The following FOCAD variants were observed in gnomAD, a reference collection of about 807,000 sequenced individuals.
The protein encoded by FOCAD is focadhesin.
Under a neutral mutation model 225.6 loss-of-function variants are expected in FOCAD, and 198 were observed. That is an observed-to-expected ratio of 0.88 (90% confidence interval 0.78 to 0.99). The LOEUF is 0.99. Among genes scored for constraint, FOCAD ranks in the 50% least tolerant of loss-of-function variants. FOCAD has a pLI of 0.00. For missense variants in FOCAD, 2,713 were observed against 2,123.6 expected (o/e 1.28, Z -5.46); for synonymous variants, 897 against 755.0 (o/e 1.19, Z -3.08).
intron 2 of FOCAD, among the ~76,000 whole-genome samples, chr9:20,667,770 C>T (rs1381260875): frequency 1.3e-5 from 2 of 151,904 alleles, no homozygotes; most frequent in Non-Finnish European, 2.9e-5. Flanking sequence ...CCTTGGATTT[C>T]CAAAGAATTA....
chr9:20,882,980 A>G (rs1422997434), intron 20 of FOCAD, among the ~76,000 whole-genome samples: 1 of 152,168 alleles, frequency 6.6e-6, no homozygotes, highest in African/African-American at 2.4e-5. Flanking sequence ...TCAAATTACA[A>G]AAGTTATAAT....
At chr9:20,663,319 T>C (rs1821791701) in intron 2 of FOCAD, among the ~76,000 whole-genome samples, 2 of 152,112 alleles carry the variant, frequency 1.3e-5, no homozygotes, top group African/African-American at 4.8e-5. Context: ...GATCATGCAC[T>C]GCACTCCAGC....
intron 16 of FOCAD, among the ~76,000 whole-genome samples, chr9:20,865,333 G>C (rs1829132021): frequency 6.6e-6 from 1 of 152,044 alleles, no homozygotes; most frequent in Admixed American, 6.6e-5. Flanking sequence ...GAGGTATAGA[G>C]GAACCTAATA....
intron 1 of FOCAD, among the ~76,000 whole-genome samples, chr9:20,698,319 C>T (rs910596116): frequency 2.6e-5 from 4 of 151,886 alleles, no homozygotes; most frequent in African/African-American, 9.7e-5. Context: ...TTCTATATTT[C>T]TCTCTATATT....
At chr9:20,769,156 C>T (rs1157223050) in intron 7 of FOCAD, among the ~76,000 whole-genome samples, 1 of 152,012 alleles carries the variant, frequency 6.6e-6, no homozygotes, top group Admixed American at 6.6e-5. Flanking sequence ...ATGTTTTCTG[C>T]TATTTCTTCT....
At chr9:20,762,809 C>T (rs1490875688) in intron 6 of FOCAD, among the ~76,000 whole-genome samples, 3 of 131,906 alleles carry the variant, frequency 2.3e-5, no homozygotes, top group Admixed American at 7.3e-5. Flanking sequence ...AAATTTTCAG[C>T]CCTTGCCCCT....
chr9:20,675,705 T>C (rs1196249897), intron 2 of FOCAD, among the ~76,000 whole-genome samples: 1 of 152,220 alleles, frequency 6.6e-6, no homozygotes. Context: ...TCACAGCAGC[T>C]GAAAAAATTT....
Position 20,889,201 on chromosome 9 carries a change from G to A in FOCAD, c.2625+3971G>A, listed in dbSNP as rs565294856. ...TGCCTCTGTAGATTTGCCTATTCTG[G>A]ACATTTCATATAAATACCATCATAC... On this transcript the variant is annotated intron_variant, in intron 21 of 43. Coordinates refer to ENST00000338382, the MANE Select transcript of FOCAD (RefSeq NM_001375567.1). Among the ~76,000 whole-genome samples the A allele has an allele frequency of 3.9e-5, 6 of 152,238 alleles. No homozygotes were observed. The South Asian group carries it at 6.2e-4, about 16-fold the overall frequency.
intron 4 of FOCAD, among the ~76,000 whole-genome samples, chr9:20,736,098 C>T (rs1457205195): frequency 6.6e-6 from 1 of 152,158 alleles, no homozygotes; most frequent in Non-Finnish European, 1.5e-5. Flanking sequence ...TATAACTCCA[C>T]ATGCATTGCT....
chr9:20,733,126 C>T (rs1826853368), intron 4 of FOCAD, among the ~76,000 whole-genome samples: 1 of 152,088 alleles, frequency 6.6e-6, no homozygotes, highest in African/African-American at 2.4e-5. Context: ...ATTAACTCTT[C>T]CGGGTACCTG....
At chr9:20,750,762 T>C (rs1828467245) in intron 5 of FOCAD, among the ~76,000 whole-genome samples, 1 of 152,178 alleles carries the variant, frequency 6.6e-6, no homozygotes, top group South Asian at 2.1e-4. Context: ...GATTTATCTC[T>C]GAGCTAAAAA....
At chr9:20,731,800 A>G (rs1826731634) in intron 4 of FOCAD, among the ~76,000 whole-genome samples, 1 of 152,040 alleles carries the variant, frequency 6.6e-6, no homozygotes, top group Non-Finnish European at 1.5e-5. Context: ...TATTTTTAGT[A>G]GAGACGGGGT....
At chr9:20,992,187 A>G (rs1003863108) in intron 42 of FOCAD, among the ~76,000 whole-genome samples, 11 of 152,222 alleles carry the variant, frequency 7.2e-5, no homozygotes, top group African/African-American at 1.7e-4. Flanking sequence ...TCTAATTCAA[A>G]AACAATTCAG....
rs552914445 is a variant in FOCAD, at chr9:20,769,127, CTG to C, written c.700-903_700-902del. On this transcript the variant is annotated intron_variant, in intron 7 of 43. Coordinates refer to ENST00000338382, the MANE Select transcript of FOCAD (RefSeq NM_001375567.1). ...AGAGAGCAAAATAATTTATACCAGA[CTG>C]TTTATTTTTTATAACAATGTTTTCT... Among the ~76,000 whole-genome samples, 262 of 152,258 alleles carry C rather than the reference CTG, an allele frequency of 1.7e-3. 1 individual carries two copies. The highest frequency in any genetic ancestry group is 6.1e-3 in the African/African-American group (255 of 41,554).
At chr9:20,943,177 A>G (rs35218325) in intron 28 of FOCAD, among the ~76,000 whole-genome samples, 39,726 of 152,224 alleles carry the variant, frequency 0.26, 5,510 homozygotes, top group Middle Eastern at 0.34. Flanking sequence ...TCTCAAAAGC[A>G]TGTTCTATTG....
At chr9:20,831,630 A>G (rs1587337986) in intron 15 of FOCAD, among the ~76,000 whole-genome samples, 2 of 152,152 alleles carry the variant, frequency 1.3e-5, no homozygotes. Context: ...GCAGAGAGAC[A>G]GATTAGGAAC....
intron 21 of FOCAD, among the ~76,000 whole-genome samples, chr9:20,892,601 T>A (rs1337039944): frequency 6.6e-6 from 1 of 152,082 alleles, no homozygotes; most frequent in Admixed American, 6.6e-5. Flanking sequence ...GCTACCGTCA[T>A]GAGGAGTTGC....
Position 20,783,001 on chromosome 9 carries a change from G to A in FOCAD, c.1197+1072G>A, listed in dbSNP as rs536194681. On this transcript the variant is annotated intron_variant, in intron 10 of 43. Transcript: ENST00000338382. Reference sequence around the variant, plus strand: ...CAGCCCTAATAGGAGTACAAAATCCGATCAAAAAATTCTAGTAGCTTTTTT... The same window carrying A: ...CAGCCCTAATAGGAGTACAAAATCCAATCAAAAAATTCTAGTAGCTTTTTT... Among the ~76,000 whole-genome samples the A allele has an allele frequency of 2.5e-4, 38 of 152,238 alleles. 1 individual carries two copies. In the South Asian group the frequency reaches 2.9e-3, roughly 12 times the overall value.
intron 21 of FOCAD, among the ~76,000 whole-genome samples, chr9:20,903,826 TCTATTTGGAAATGTTAGTTCC>T (rs1447037757): frequency 2.6e-5 from 4 of 151,964 alleles, no homozygotes. Flanking sequence ...AACTATCACC[TCTATTTGGAAATGTTAGTTCC>T]AAAACATTTC....
Sources: allele counts gnomAD v4.1 joint callset (sites outside exome capture counted in the v4.1 genomes callset), GRCh38; gene constraint gnomAD v4.1.1; transcripts MANE v1.5; gene names NCBI Gene and HGNC (gene_info 2026-07-23, HGNC 2026-07-21).